The following UBASH3B variants were observed in gnomAD, a reference collection of about 807,000 sequenced individuals.
The protein encoded by UBASH3B is ubiquitin associated and SH3 domain containing B.
Under a neutral mutation model 83.4 loss-of-function variants are expected in UBASH3B, and 37 were observed. The observed-to-expected ratio is 0.44, with a 90% confidence interval of 0.34 to 0.58. The LOEUF (loss-of-function observed/expected upper bound fraction) is 0.58, where lower values mean the gene tolerates loss of function less well. Ranked by LOEUF, UBASH3B falls within the 20% of genes least tolerant of loss-of-function variation. The probability of loss-of-function intolerance (pLI) is 0.01; values close to 1 mark genes in which losing one functional copy is unlikely to be tolerated. For missense variants in UBASH3B, 657 were observed against 827.2 expected (o/e 0.79, Z 2.52); for synonymous variants, 304 against 318.3 (o/e 0.96, Z 0.48).
In UBASH3B at chr11:122,786,286, T is replaced by C. The variant is rs1027378892; in HGVS notation, c.772-2814T>C. 3.3e-5 allele frequency among the ~76,000 whole-genome samples: 5 copies of C among 151,786 alleles called. No individual in the cohort carries two copies. In the East Asian group the frequency reaches 1.0e-3, roughly 30 times the overall value. Reference sequence around the variant, plus strand: ...GGATGGTCTCGATCTCCTAACCTCATGATCCGCCTATCTCGGCCTCCCAAA... The same window carrying C: ...GGATGGTCTCGATCTCCTAACCTCACGATCCGCCTATCTCGGCCTCCCAAA... On this transcript the variant is annotated intron_variant, in intron 5 of 13. Transcript: ENST00000284273.
chr11:122,784,003 C>T (rs905246689), intron 5 of UBASH3B, among the ~76,000 whole-genome samples: 1 of 151,172 alleles, frequency 6.6e-6, no homozygotes, highest in African/African-American at 2.4e-5. Context: ...TGCAATGGCA[C>T]GATCTTGGCT....
chr11:122,752,904 C>A (rs1176233920), intron 1 of UBASH3B, among the ~76,000 whole-genome samples: 1 of 151,882 alleles, frequency 6.6e-6, no homozygotes, highest in African/African-American at 2.4e-5. Flanking sequence ...TTATTATTAC[C>A]CTCATTTTAC....
intron 1 of UBASH3B, among the ~76,000 whole-genome samples, chr11:122,675,995 C>T (rs138438002): frequency 1.9e-3 from 282 of 152,316 alleles, no homozygotes; most frequent in African/African-American, 6.3e-3. Flanking sequence ...AAGACAGATA[C>T]ATTAAAGGAT....
intron 9 of UBASH3B, among the ~76,000 whole-genome samples, chr11:122,798,614 G>A (rs1440990154): frequency 6.6e-6 from 1 of 151,880 alleles, no homozygotes. Context: ...GGGAGGCTGA[G>A]GCAGGAGAAT....
chr11:122,663,076 A>G (rs1361878741), intron 1 of UBASH3B, among the ~76,000 whole-genome samples: 4 of 147,120 alleles, frequency 2.7e-5, no homozygotes, highest in Non-Finnish European at 5.9e-5. Flanking sequence ...TCCCGTGTTC[A>G]AGCAATTCTC....
intron 1 of UBASH3B, among the ~76,000 whole-genome samples, chr11:122,678,320 T>C (rs1391789233): frequency 1.3e-5 from 2 of 152,204 alleles, no homozygotes; most frequent in Non-Finnish European, 2.9e-5. Flanking sequence ...CACAGCCCTG[T>C]CAGCTAGCAG....
chr11:122,683,540 G>C (rs1022474556), intron 1 of UBASH3B, among the ~76,000 whole-genome samples: 1 of 151,544 alleles, frequency 6.6e-6, no homozygotes, highest in Non-Finnish European at 1.5e-5. Context: ...TGGAGGCGGA[G>C]GTTGCAGTGA....
chr11:122,688,713 C>T (rs188997055), intron 1 of UBASH3B, among the ~76,000 whole-genome samples: 26 of 151,262 alleles, frequency 1.7e-4, no homozygotes, highest in African/African-American at 5.6e-4. Flanking sequence ...AGTGCAATCT[C>T]GGCTCACTGC....
intron 1 of UBASH3B, chr11:122,774,367 A>G (rs756522890): frequency 4.3e-5 from 40 of 925,244 alleles, no homozygotes; most frequent in Non-Finnish European, 5.0e-5. Context: ...GGAAGGGGAT[A>G]GTCTTTAACT....
In UBASH3B at chr11:122,809,751, C is replaced by A; in HGVS notation, c.1815C>A (p.Ile605=). The change falls in exon 14 of 14, where the codon ATC becomes ATA. Residue 605 remains isoleucine, a splice_region_variant and synonymous_variant. Transcript: ENST00000284273. ...SKDFVQMVRK[I]PYLGFCSCEE... ...TTTCTTTACGACTCTTACTTCAGAT[C>A]CCATATCTGGGATTTTGTTCCTGTG... is the stretch of plus-strand genomic sequence containing the variant. 1 of 1,614,128 alleles carries A rather than the reference C, an allele frequency of 6.2e-7. No homozygotes were observed. Among genetic ancestry groups the A allele is most frequent in the Non-Finnish European group, 8.5e-7 (1 of 1,180,010 alleles).
chr11:122,796,884 C>T, intron 8 of UBASH3B, 27 bp from the exon 9 acceptor site: 2 of 1,614,040 alleles, frequency 1.2e-6, no homozygotes, highest in Non-Finnish European at 1.7e-6. Context: ...ATGTATGTAT[C>T]CTCTGTCTAA....
At position 122,671,447 on chromosome 11, in the gene UBASH3B, G is replaced by A. The variant is rs187855109; in HGVS notation, c.161+15237G>A. Among the ~76,000 whole-genome samples, 313 of 152,342 alleles carry A rather than the reference G, an allele frequency of 2.1e-3. 2 individuals carry two copies. Among genetic ancestry groups the A allele is most frequent in the African/African-American group, 7.0e-3 (291 of 41,586 alleles). On this transcript the variant is annotated intron_variant, in intron 1 of 13. Transcript: ENST00000284273. ...AGCAATCAAGATACCCTCCTGGGAC[G>A]TCAGGCCTCAGATCTGCAGCAGCTT...
Position 122,789,127 on chromosome 11 carries a change from C to T in UBASH3B, c.799C>T (p.Pro267Ser), listed in dbSNP as rs1861006762. 6.2e-7 allele frequency: 1 copy of T among 1,613,522 alleles called. No homozygotes were observed. Among genetic ancestry groups the T allele is most frequent in the African/African-American group, 1.3e-5 (1 of 74,890 alleles). ...ETLQVIYPYT[P>S]QNDDELELVP... ...ATTACAGGTCATCTACCCCTATACC[C>T]CACAAAATGACGATGAGCTGGAGCT... is the stretch of plus-strand genomic sequence containing the variant. The change falls in exon 6 of 14, where the codon CCA becomes TCA. Residue 267 changes from proline to serine, a missense_variant. By Grantham distance (74) the Pro-to-Ser change is moderately conservative. Coordinates refer to ENST00000284273, the MANE Select transcript of UBASH3B (RefSeq NM_032873.5).
chr11:122,676,198 T>G (rs1298853305), intron 1 of UBASH3B, among the ~76,000 whole-genome samples: 1 of 150,794 alleles, frequency 6.6e-6, no homozygotes, highest in Non-Finnish European at 1.5e-5. Flanking sequence ...AGCCCAGGAG[T>G]TCGAGACCAG....
intron 1 of UBASH3B, among the ~76,000 whole-genome samples, chr11:122,687,432 G>A (rs868242418): frequency 8.5e-5 from 13 of 152,204 alleles, no homozygotes; most frequent in Admixed American, 1.3e-4. Flanking sequence ...TCACAGCACT[G>A]GGCGTCCAGT....
At chr11:122,725,342 A>AAAAAAAGAGAG (rs71281633) in intron 1 of UBASH3B, among the ~76,000 whole-genome samples, 2 of 130,780 alleles carry the variant, frequency 1.5e-5, no homozygotes, top group Non-Finnish European at 1.6e-5. Flanking sequence ...AAAAAAAAAA[A>AAAAAAAGAGAG]AAGAAAAGAA....
At chr11:122,725,342 A>AAAAAAAAAAAAAAAAAAAAAAAGAGAG (rs71281633) in intron 1 of UBASH3B, among the ~76,000 whole-genome samples, 2 of 130,780 alleles carry the variant, frequency 1.5e-5, no homozygotes, top group Non-Finnish European at 3.2e-5. Context: ...AAAAAAAAAA[A>AAAAAAAAAAAAAAAAAAAAAAAGAGAG]AAGAAAAGAA....
At chr11:122,685,865 A>T (rs1246622617) in intron 1 of UBASH3B, among the ~76,000 whole-genome samples, 1 of 152,042 alleles carries the variant, frequency 6.6e-6, no homozygotes, top group African/African-American at 2.4e-5. Flanking sequence ...AAGCATTTTC[A>T]CCTCATGGGG....
intron 1 of UBASH3B, among the ~76,000 whole-genome samples, chr11:122,699,525 TTCTTTC>T (rs58644068): frequency 0.14 from 15,041 of 104,822 alleles, 883 homozygotes; most frequent in East Asian, 0.19. Context: ...TTCTCTTTCT[TTCTTTC>T]TCTTTCTTTC....
Sources: allele counts gnomAD v4.1 joint callset (sites outside exome capture counted in the v4.1 genomes callset), GRCh38; gene constraint gnomAD v4.1.1; transcripts MANE v1.5; gene names NCBI Gene and HGNC (gene_info 2026-07-23, HGNC 2026-07-21).